Variants in CDH18 observed in about 807,000 individuals in gnomAD.
The protein encoded by CDH18 is cadherin 18.
Under a neutral mutation model 67.9 loss-of-function variants are expected in CDH18, and 31 were observed. The observed-to-expected ratio is 0.46, with a 90% CI of 0.34 to 0.62. The LOEUF is 0.62. CDH18 is among the 20% of genes least tolerant of loss of function. CDH18 has a pLI of 0.01. For synonymous variants in CDH18, 362 were observed against 347.2 expected (o/e 1.04, Z -0.48); for missense variants, 890 against 975.5 (o/e 0.91, Z 1.17).
chr5:19,903,814 G>A (rs1341054628), intron 2 of CDH18, among the ~76,000 whole-genome samples: 2 of 151,754 alleles, frequency 1.3e-5, no homozygotes, highest in African/African-American at 4.8e-5. Flanking sequence ...AACTAGGGCT[G>A]TGCTCCAGAA....
intron 1 of CDH18, among the ~76,000 whole-genome samples, chr5:20,558,070 T>A (rs1216167766): frequency 6.6e-6 from 1 of 151,960 alleles, no homozygotes; most frequent in Non-Finnish European, 1.5e-5. Flanking sequence ...CTGATTGTTA[T>A]AGAATTATTT....
chr5:19,676,787 C>T (rs1034237019), intron 5 of CDH18, among the ~76,000 whole-genome samples: 11 of 151,960 alleles, frequency 7.2e-5, no homozygotes, highest in Admixed American at 1.3e-4. Flanking sequence ...TGCAGGCAGC[C>T]CACCCTAAGG....
At chr5:20,509,561 C>T (rs1379383138) in intron 1 of CDH18, among the ~76,000 whole-genome samples, 1 of 72,552 alleles carries the variant, frequency 1.4e-5, no homozygotes, top group Non-Finnish European at 3.1e-5. Context: ...CAGGTGCGTG[C>T]CACCACGCCC....
Position 19,897,276 on chromosome 5 carries a change from T to A in CDH18, c.-256-58034A>T, listed in dbSNP as rs1210443890. 4.6e-5 allele frequency among the ~76,000 whole-genome samples: 7 copies of A among 152,276 alleles called. No homozygotes were observed. In the East Asian group the frequency reaches 1.4e-3, roughly 29 times the overall value. ...AAATGGGCAAAATGTTTAAACCGAATGTCTTCACTAGAGTGATATCCCATA... is the reference window on the plus strand; with the variant it reads ...AAATGGGCAAAATGTTTAAACCGAAAGTCTTCACTAGAGTGATATCCCATA... On this transcript the variant is annotated intron_variant, in intron 2 of 12. Transcript: ENST00000382275.
chr5:20,317,544 T>C (rs994342959), intron 1 of CDH18, among the ~76,000 whole-genome samples: 1 of 152,170 alleles, frequency 6.6e-6, no homozygotes. Flanking sequence ...TCATCTTTCA[T>C]TGTTTTACAT....
chr5:20,307,818 A>C (rs1324898839), intron 1 of CDH18, among the ~76,000 whole-genome samples: 1 of 152,214 alleles, frequency 6.6e-6, no homozygotes, highest in Non-Finnish European at 1.5e-5. Context: ...ATTTCTGTTT[A>C]TGGCAGAGTC....
At chr5:20,431,818 G>A (rs968521195) in intron 1 of CDH18, among the ~76,000 whole-genome samples, 16 of 152,184 alleles carry the variant, frequency 1.1e-4, no homozygotes, top group East Asian at 7.8e-4. Context: ...ATTAAATGTC[G>A]TTTATCTGAG....
chr5:20,137,043 T>C (rs1338291086), intron 2 of CDH18, among the ~76,000 whole-genome samples: 1 of 152,138 alleles, frequency 6.6e-6, no homozygotes, highest in Non-Finnish European at 1.5e-5. Flanking sequence ...CTTTGGTGAA[T>C]CTGACAATTA....
chr5:20,380,800 A>G (rs185193249), intron 1 of CDH18, among the ~76,000 whole-genome samples: 1 of 152,330 alleles, frequency 6.6e-6, no homozygotes, highest in Admixed American at 6.5e-5. Context: ...ATAATATTTC[A>G]AAAAGGAACA....
intron 9 of CDH18, among the ~76,000 whole-genome samples, chr5:19,525,979 GC>G (rs1202121466): frequency 6.6e-6 from 1 of 151,928 alleles, no homozygotes; most frequent in African/African-American, 2.4e-5. Flanking sequence ...TCTTTTGACA[GC>G]AGAGTAAATA....
At chr5:20,333,528 T>TATACACAC (rs1554119394) in intron 1 of CDH18, among the ~76,000 whole-genome samples, 1 of 136,840 alleles carries the variant, frequency 7.3e-6, no homozygotes, top group African/African-American at 2.7e-5. Context: ...ACAATATATA[T>TATACACAC]ACACACACAC....
chr5:19,628,797 A>G (rs143162075), intron 5 of CDH18, among the ~76,000 whole-genome samples: 10 of 152,292 alleles, frequency 6.6e-5, no homozygotes, highest in African/African-American at 2.4e-4. Flanking sequence ...ATACTACTTA[A>G]AGCCCTTAAC....
intron 2 of CDH18, among the ~76,000 whole-genome samples, chr5:19,966,961 C>T (rs980762151): frequency 3.3e-5 from 5 of 151,470 alleles, no homozygotes; most frequent in Non-Finnish European, 7.4e-5. Flanking sequence ...GTACTAATAC[C>T]AAACCCATTA....
intron 4 of CDH18, among the ~76,000 whole-genome samples, chr5:19,738,012 G>A (rs1390054166): frequency 1.3e-5 from 2 of 151,952 alleles, no homozygotes; most frequent in Non-Finnish European, 2.9e-5. Flanking sequence ...TGAGAAAATC[G>A]ATTCATGAAT....
intron 8 of CDH18, among the ~76,000 whole-genome samples, chr5:19,563,764 A>T (rs1739865751): frequency 6.6e-6 from 1 of 152,248 alleles, no homozygotes; most frequent in South Asian, 2.1e-4. Context: ...ACTAAAAATC[A>T]GGTGACTGAT....
rs186694582 is a variant in CDH18, at chr5:20,177,078, A to G, written c.-518+78366T>C. Among the ~76,000 whole-genome samples the G allele has an allele frequency of 2.2e-3, 334 of 152,192 alleles. 3 individuals carry two copies. Among genetic ancestry groups the G allele is most frequent in the African/African-American group, 7.5e-3 (312 of 41,544 alleles). The stretch of plus-strand genomic sequence containing the variant: ...CTCTCCATTTCTTATTTTAATACAG[A>G]AACATTTATAAATTTTTTAAAGATG... On this transcript the variant is annotated intron_variant, in intron 2 of 14. Coordinates refer to the CDH18 transcript ENST00000507958.
At chr5:20,056,820 A>G (rs1280459672) in intron 2 of CDH18, among the ~76,000 whole-genome samples, 5 of 149,594 alleles carry the variant, frequency 3.3e-5, no homozygotes, top group African/African-American at 1.2e-4. Context: ...AGTAGCTGGG[A>G]CTACCGGCGC....
chr5:19,701,531 G>C (rs1763244229), intron 5 of CDH18, among the ~76,000 whole-genome samples: 1 of 152,000 alleles, frequency 6.6e-6, no homozygotes, highest in Admixed American at 6.6e-5. Context: ...TGACCCCTTT[G>C]GTCATAGATC....
At chr5:19,692,039 A>G (rs75551290) in intron 5 of CDH18, among the ~76,000 whole-genome samples, 140 of 152,174 alleles carry the variant, frequency 9.2e-4, no homozygotes, top group East Asian at 2.9e-3. Flanking sequence ...AGGCACGTAG[A>G]CCAATGGAAC....
Sources: gnomAD v4.1 joint callset for allele counts (sites outside exome capture counted in the v4.1 genomes callset) on GRCh38, gnomAD v4.1.1 for gene constraint, MANE v1.5 for transcripts, NCBI Gene and HGNC (gene_info 2026-07-23, HGNC 2026-07-21) for gene names.